The following UBXN8 variants were observed in gnomAD, a reference collection of about 807,000 sequenced individuals.
UBXN8 encodes the protein UBX domain-containing protein 8.
In UBXN8, 27 loss-of-function variants were observed where a neutral mutation model predicts 32.1. The ratio of observed to expected loss-of-function variants is 0.84; its 90% CI spans 0.62 to 1.16. The LOEUF (loss-of-function observed/expected upper bound fraction) is 1.16, where lower values mean the gene tolerates loss of function less well. Among genes scored for constraint, UBXN8 ranks in the 50% most tolerant of loss-of-function variants. The pLI, the probability that UBXN8 is intolerant of heterozygous loss-of-function variation, is 0.00. For missense variants in UBXN8, 306 were observed against 311.4 expected (o/e 0.98, Z 0.13); for synonymous variants, 109 against 111.8 (o/e 0.98, Z 0.16).
At chr8:30,758,986 C>T (rs1393145899) in intron 5 of UBXN8, among the ~76,000 whole-genome samples, 9 of 149,452 alleles carry the variant, frequency 6.0e-5, no homozygotes, top group Non-Finnish European at 1.0e-4. Flanking sequence ...CTCCTCCTCC[C>T]GGCTTCACGC....
chr8:30,766,338 A>G lies in UBXN8; in HGVS notation c.757A>G (p.Ile253Val), dbSNP rs754377021. The change falls in exon 8 of 8, where the codon ATA becomes GTA. Residue 253 changes from isoleucine to valine, a missense_variant. Ile to Val is a conservative substitution (Grantham distance 29). Transcript: ENST00000265616. ...GGAGGGAGGCCAGTCGCTGGAGGAC[A>G]TAGGAATAACTGTGGACACTGTACT... is the stretch of plus-strand genomic sequence containing the variant. The part of the protein sequence containing the change: ...AVEGGQSLED[I>V]GITVDTVLIL... 8.1e-6 allele frequency: 13 copies of G among 1,613,658 alleles called. No homozygotes were observed. The highest frequency in any genetic ancestry group is 2.2e-5 in the East Asian group (1 of 44,876).
chr8:30,737,632 A>C (rs1272823011), intron 1 of UBXN8, among the ~76,000 whole-genome samples: 2 of 141,168 alleles, frequency 1.4e-5, no homozygotes. Flanking sequence ...AGGCTGCAGT[A>C]AGCCGTGATC....
rs3174043 is a variant in UBXN8 at position 30,744,241 on chromosome 8, G to A, written c.52G>A (p.Val18Met). 6.2e-3 allele frequency: 10,078 copies of A among 1,613,854 alleles called. 275 individuals are homozygous for A. The African/African-American group carries it at 0.08, about 13-fold the overall frequency. ...TTTCTTCCTCTCTGCTGTCCCCCTTGTGTGTCTGGAGCTCCGGCGTGGGAT... is the reference window on the plus strand; with the variant it reads ...TTTCTTCCTCTCTGCTGTCCCCCTTATGTGTCTGGAGCTCCGGCGTGGGAT... Reference protein sequence around the residue: ...GIFFLSAVPLVCLELRRGIPD... With the variant: ...GIFFLSAVPLMCLELRRGIPD... The change falls in exon 1 of 8, where the codon GTG (valine) becomes ATG (methionine). Residue 18 changes from valine to methionine, a missense_variant. Physicochemically the swap from Val to Met is conservative, Grantham distance 21. Transcript: ENST00000265616.
In UBXN8 at chr8:30,748,468, G is replaced by GAAA. The variant is rs538718073; in HGVS notation, c.89-2916_89-2914dup. Among the ~76,000 whole-genome samples the GAAA allele has an allele frequency of 8.6e-3, 775 of 90,428 alleles. 9 individuals are homozygous for GAAA. The highest frequency in any genetic ancestry group is 0.031 in the African/African-American group (730 of 23,854). The allele number at this position is 90,428 out of a possible 152,430, so 59.3% of individuals were successfully genotyped here. A position where few individuals can be genotyped will look rare whatever the true frequency, so the allele number is the denominator to read the frequency against. On this transcript the variant is annotated intron_variant, in intron 1 of 7. Coordinates refer to ENST00000265616, the MANE Select transcript of UBXN8 (RefSeq NM_005671.4). Reference sequence around the variant, plus strand: ...CAAGAGAGTGAGAGGCCATCTGAAAGAAAAAAAAAAAAAAGGCAAGAATAT... The same window carrying GAAA: ...CAAGAGAGTGAGAGGCCATCTGAAAGAAAAAAAAAAAAAAAAAGGCAAGAATAT...
chr8:30,759,829 C>T (rs1461668571), intron 5 of UBXN8, among the ~76,000 whole-genome samples: 5 of 151,188 alleles, frequency 3.3e-5, no homozygotes, highest in East Asian at 2.0e-4. Flanking sequence ...TGGTGGCAGG[C>T]GCCTGTAGTC....
chr8:30,755,173 T>C (rs1303207739), intron 4 of UBXN8, among the ~76,000 whole-genome samples: 1 of 152,054 alleles, frequency 6.6e-6, no homozygotes, highest in Non-Finnish European at 1.5e-5. Context: ...GCCAGGATGG[T>C]CTCAATCTCC....
intron 3 of UBXN8, 71 bp from the exon 4 acceptor site, chr8:30,754,594 C>T: frequency 6.7e-7 from 1 of 1,493,274 alleles, no homozygotes; most frequent in Non-Finnish European, 8.9e-7. Context: ...TTATTTACAA[C>T]TTTATAGACA....
At chr8:30,765,604 A>T (rs1403836494) in intron 7 of UBXN8, among the ~76,000 whole-genome samples, 1 of 151,448 alleles carries the variant, frequency 6.6e-6, no homozygotes, top group Admixed American at 6.6e-5. Context: ...CCCAGGCTGG[A>T]GTGCGGTGGT....
At chr8:30,730,013 A>C (rs1234189532), upstream of UBXN8, among the ~76,000 whole-genome samples, 1 of 152,200 alleles carries the variant, frequency 6.6e-6, no homozygotes, top group Non-Finnish European at 1.5e-5. Context: ...CAGACGATCC[A>C]TTGCAGGAGA....
intron 5 of UBXN8, among the ~76,000 whole-genome samples, chr8:30,757,108 C>T (rs959357797): frequency 6.6e-6 from 1 of 151,222 alleles, no homozygotes; most frequent in Non-Finnish European, 1.5e-5. Flanking sequence ...AGGTTGAGGC[C>T]AGGAGTTTGA....
chr8:30,736,045 C>T (rs1805064101), intron 1 of UBXN8, among the ~76,000 whole-genome samples: 2 of 152,120 alleles, frequency 1.3e-5, no homozygotes. Flanking sequence ...TTTCATGTTC[C>T]ATGTATGAAG....
At chr8:30,752,017 C>T (rs1156925696) in intron 2 of UBXN8, among the ~76,000 whole-genome samples, 4 of 151,822 alleles carry the variant, frequency 2.6e-5, no homozygotes, top group Non-Finnish European at 5.9e-5. Flanking sequence ...CTCAGCCTCC[C>T]GAGTATTTGG....
At chr8:30,757,953 C>A (rs146315484) in intron 5 of UBXN8, among the ~76,000 whole-genome samples, 1 of 151,530 alleles carries the variant, frequency 6.6e-6, no homozygotes, top group African/African-American at 2.4e-5. Context: ...GTGGTGAAAT[C>A]TCAGCTCACT....
At chr8:30,766,180 T>C in intron 7 of UBXN8, 47 bp from the exon 8 acceptor site, 1 of 1,560,180 alleles carries the variant, frequency 6.4e-7, no homozygotes, top group South Asian at 1.2e-5. Flanking sequence ...AGGGACATGG[T>C]GTGTAAAGTA....
intron 4 of UBXN8, among the ~76,000 whole-genome samples, chr8:30,755,804 T>C (rs1158196961): frequency 6.9e-6 from 1 of 144,572 alleles, no homozygotes; most frequent in Non-Finnish European, 1.5e-5. Context: ...TGACATAAGA[T>C]AGTCTTTAAA....
chr8:30,732,571 C>T (rs1389788315), upstream of UBXN8: 3 of 283,796 alleles, frequency 1.1e-5, no homozygotes, highest in Non-Finnish European at 1.9e-5. Context: ...GGGGAGGGGA[C>T]CGGGAACCTT....
chr8:30,732,225 C>T (rs1804975413), upstream of UBXN8: 6 of 383,072 alleles, frequency 1.6e-5, no homozygotes, highest in South Asian at 1.3e-4. Flanking sequence ...ACCTAGGCTG[C>T]GTGTTGCTCC....
chr8:30,766,567 T>TTATTA lies in UBXN8; in HGVS notation c.*173_*174insTATTA. On this transcript the variant is annotated 3_prime_UTR_variant, in exon 8 of 8. Coordinates refer to ENST00000265616, the MANE Select transcript of UBXN8 (RefSeq NM_005671.4). ...GAAAAGGATTGCTTTCTATATATAA[T>TTATTA]AATCTGTGGACTGTGCCATTTTACA... 1.7e-6 allele frequency: 1 copy of TTATTA among 598,216 alleles called. No homozygotes were observed. Among genetic ancestry groups the TTATTA allele is most frequent in the East Asian group, 3.6e-5 (1 of 28,062 alleles). The allele number at this position is 598,216 out of a possible 1,614,324, so 37.1% of individuals were successfully genotyped here. A position where few individuals can be genotyped will look rare whatever the true frequency, so the allele number is the denominator to read the frequency against.
intron 1 of UBXN8, among the ~76,000 whole-genome samples, chr8:30,746,177 A>C (rs906759789): frequency 6.6e-6 from 1 of 152,206 alleles, no homozygotes; most frequent in African/African-American, 2.4e-5. Context: ...TCCTGGCAGC[A>C]TCTTTATCTA....
Sources: gnomAD v4.1 joint callset for allele counts (sites outside exome capture counted in the v4.1 genomes callset) on GRCh38, gnomAD v4.1.1 for gene constraint, MANE v1.5 for transcripts, NCBI Gene and HGNC (gene_info 2026-07-23, HGNC 2026-07-21) for gene names.